The following LARP4B variants were observed in gnomAD, a reference collection of about 807,000 sequenced individuals.
LARP4B encodes the protein La ribonucleoprotein 4B.
A neutral mutation model predicts 89.8 loss-of-function variants in LARP4B; 12 were observed. The observed-to-expected ratio is 0.13, with a 90% CI of 0.09 to 0.22. The LOEUF is 0.22. Among genes scored for constraint, LARP4B ranks in the 10% least tolerant of loss-of-function variants. LARP4B has a pLI of 1.00. For missense variants in LARP4B, 757 were observed against 947.7 expected (o/e 0.80, Z 2.64); for synonymous variants, 367 against 363.3 (o/e 1.01, Z -0.12).
At chr10:890,931 A>T (rs1836000032) in intron 1 of LARP4B, among the ~76,000 whole-genome samples, 1 of 152,170 alleles carries the variant, frequency 6.6e-6, no homozygotes, top group African/African-American at 2.4e-5. Context: ...ACATATTAAT[A>T]GTTTAGCAAT....
At position 817,579 on chromosome 10, in the gene LARP4B, T is replaced by A. The variant is rs112185460; in HGVS notation, c.1695+146A>T. 6.0e-4 allele frequency: 455 copies of A among 755,230 alleles called. 1 individual carries two copies. The African/African-American group carries it at 7.0e-3, about 12-fold the overall frequency. 46.8% of individuals were successfully genotyped at this position (755,230 alleles called of 1,614,324 possible). A position where few individuals can be genotyped will look rare whatever the true frequency, so the allele number is the denominator to read the frequency against. On this transcript the variant is annotated intron_variant, in intron 15 of 17. Coordinates refer to ENST00000316157, the MANE Select transcript of LARP4B (RefSeq NM_015155.3). ...GGTTCAAGGCTGGCCTTACTCCAAA[T>A]CTGTGTGACCTCTGCAATCACGTGG...
At chr10:947,373 G>A in the LARP4B span, among the ~76,000 whole-genome samples, 5 of 152,094 alleles carry the variant, frequency 3.3e-5, no homozygotes, top group African/African-American at 1.2e-4. Context: ...GCTCTCGGGG[G>A]CAGGATGGCC....
intron 7 of LARP4B, among the ~76,000 whole-genome samples, chr10:840,146 T>A (rs1480214307): frequency 2.6e-5 from 4 of 152,196 alleles, no homozygotes; most frequent in Admixed American, 1.3e-4. Context: ...TGGGCTGTGA[T>A]GGCTGTTTGG....
At chr10:815,931 T>C (rs147500288) in intron 15 of LARP4B, among the ~76,000 whole-genome samples, 1 of 152,352 alleles carries the variant, frequency 6.6e-6, no homozygotes, top group Non-Finnish European at 1.5e-5. Flanking sequence ...AAAGCTCATT[T>C]TAAATTCAGG....
intron 3 of LARP4B, chr10:869,939 AT>A (rs1835116474): frequency 7.5e-5 from 14 of 186,320 alleles, no homozygotes; most frequent in East Asian, 1.9e-4. Flanking sequence ...AATAATAATA[AT>A]AATAATAATA....
intron 5 of LARP4B, among the ~76,000 whole-genome samples, chr10:861,424 T>C (rs969411263): frequency 1.3e-5 from 2 of 152,180 alleles, no homozygotes; most frequent in African/African-American, 4.8e-5. Context: ...GCCTCACTAA[T>C]GCTTTATAGG....
chr10:892,193 AG>A (rs1338847239), intron 1 of LARP4B, among the ~76,000 whole-genome samples: 2 of 152,256 alleles, frequency 1.3e-5, no homozygotes, highest in African/African-American at 4.8e-5. Context: ...ATTGGACAGG[AG>A]GATTTTATTT....
chr10:880,751 G>C, intron 3 of LARP4B, among the ~76,000 whole-genome samples: 1 of 152,108 alleles, frequency 6.6e-6, no homozygotes, highest in South Asian at 2.1e-4. Context: ...TTAGTATGAG[G>C]ATGAGTTAGA....
intron 5 of LARP4B, among the ~76,000 whole-genome samples, chr10:856,419 A>G (rs148647761): frequency 0.019 from 2,909 of 152,342 alleles, 59 homozygotes; most frequent in Admixed American, 0.057. Flanking sequence ...AAAAATCTAA[A>G]AAGAACAATT....
At chr10:817,702 T>C (rs1023455488) in intron 15 of LARP4B, 23 bp downstream of exon 15, 1 of 1,605,622 alleles carries the variant, frequency 6.2e-7, no homozygotes, top group Non-Finnish European at 8.5e-7. Context: ...TGGCAACTAT[T>C]AGACATGCAA....
At chr10:893,165 C>T (rs1240481879) in intron 1 of LARP4B, among the ~76,000 whole-genome samples, 2 of 151,732 alleles carry the variant, frequency 1.3e-5, no homozygotes, top group South Asian at 4.2e-4. Flanking sequence ...CCACCCCCCT[C>T]GGCCTCCCAA....
chr10:815,199 C>T, intron 15 of LARP4B, 129 bp from the exon 16 acceptor site: 1 of 1,133,782 alleles, frequency 8.8e-7, no homozygotes, highest in Non-Finnish European at 1.2e-6. Context: ...AGAGGGTCTT[C>T]TCCAGCAAAA....
At chr10:861,467 G>A (rs1475615960) in intron 5 of LARP4B, among the ~76,000 whole-genome samples, 4 of 152,104 alleles carry the variant, frequency 2.6e-5, no homozygotes, top group Non-Finnish European at 1.5e-5. Flanking sequence ...GGCAGATGAA[G>A]GAGGAAGACA....
At chr10:934,453 G>A (rs543964411), upstream of LARP4B, among the ~76,000 whole-genome samples, 11 of 152,164 alleles carry the variant, frequency 7.2e-5, no homozygotes, top group East Asian at 3.9e-4. Flanking sequence ...TTGTGCCACC[G>A]CATTCCAGCC....
At position 837,524 on chromosome 10, in the gene LARP4B, C is replaced by T. The variant is rs577107270; in HGVS notation, c.647-1018G>A. Among the ~76,000 whole-genome samples the T allele has an allele frequency of 2.6e-5, 4 of 152,340 alleles. No homozygotes were observed. In the East Asian group the frequency reaches 7.7e-4, roughly 29 times the overall value. On this transcript the variant is annotated intron_variant, in intron 7 of 17. Transcript: ENST00000316157. ...AACATTTACAAGGGCCACAGCAAAG[C>T]TGGAGGTTCTGAACCTACTTTAAGA... is the stretch of plus-strand genomic sequence containing the variant.
At chr10:887,143 G>C (rs998519511) in intron 1 of LARP4B, among the ~76,000 whole-genome samples, 1 of 152,090 alleles carries the variant, frequency 6.6e-6, no homozygotes, top group African/African-American at 2.4e-5. Context: ...AGCAGGTAGG[G>C]AGGAAATGAA....
intron 7 of LARP4B, among the ~76,000 whole-genome samples, chr10:838,956 C>T (rs1017332539): frequency 1.5e-4 from 23 of 152,130 alleles, no homozygotes; most frequent in Admixed American, 5.9e-4. Context: ...TATCAAGCCA[C>T]GAAAAGACAT....
the LARP4B span, among the ~76,000 whole-genome samples, chr10:946,073 C>T: frequency 6.6e-6 from 1 of 152,144 alleles, no homozygotes. Flanking sequence ...TGTCTATGAG[C>T]CTTCTTTACA....
chr10:904,123 G>A (rs368394472), intron 1 of LARP4B, among the ~76,000 whole-genome samples: 7 of 152,136 alleles, frequency 4.6e-5, no homozygotes, highest in South Asian at 4.1e-4. Flanking sequence ...TCTCACCTAC[G>A]AAAATTAAAC....
Sources: allele counts gnomAD v4.1 joint callset (sites outside exome capture counted in the v4.1 genomes callset), GRCh38; gene constraint gnomAD v4.1.1; transcripts MANE v1.5; gene names NCBI Gene and HGNC (gene_info 2026-07-23, HGNC 2026-07-21).